The following MYO18A variants were observed in gnomAD, a reference collection of about 807,000 sequenced individuals.
MYO18A encodes the protein myosin XVIIIA, also known as unconventional myosin-XVIIIa.
MYO18A carries 78 observed loss-of-function variants against 235.8 expected under a neutral mutation model. That is an observed-to-expected ratio of 0.33 (90% CI 0.28 to 0.40). MYO18A has a LOEUF of 0.40. Among genes scored for constraint, MYO18A ranks in the 10% least tolerant of loss-of-function variants. The pLI is 1.00. For synonymous variants in MYO18A, 977 were observed against 1,077.8 expected (o/e 0.91, Z 1.83); for missense variants, 2,215 against 2,699.3 (o/e 0.82, Z 3.98).
Position 29,094,739 on chromosome 17 carries a change from T to C in MYO18A, c.4621A>G (p.Lys1541Glu), listed in dbSNP as rs746164465. The C allele has an allele frequency of 6.2e-7, 1 of 1,614,078 alleles. No homozygotes were observed. Among genetic ancestry groups the C allele is most frequent in the Non-Finnish European group, 8.5e-7 (1 of 1,179,906 alleles). The change falls in exon 30 of 42, where the codon AAG becomes GAG. Residue 1541 changes from lysine to glutamate, a missense_variant. Coordinates refer to ENST00000527372, the MANE Select transcript of MYO18A (RefSeq NM_078471.4). ...SKDEASLAKV[K>E]KQLRDLEAKV... ...GCCTCCAGGTCCCGGAGCTGTTTCT[T>C]GACCTTGGCCAGAGAAGCCTCATCC...
At position 29,074,279 on chromosome 17, in the gene MYO18A, G is replaced by A; in HGVS notation, c.*491C>T. 7.6e-7 allele frequency: 1 copy of A among 1,310,902 alleles called. No individual in the cohort carries two copies. The allele number at this position is 1,310,902 out of a possible 1,614,324, so 81.2% of individuals were successfully genotyped here. ...GGGATGCAGCTGTGATGGAGAGGTT[G>A]GGTATTTAAATTAAAAAGTAGAAAG... On this transcript the variant is annotated 3_prime_UTR_variant, in exon 42 of 42. Transcript: ENST00000527372. The surrounding 1 kb of genome is among the most constrained non-coding windows in gnomAD (Gnocchi z 4.4).
At chr17:29,154,868 C>A (rs2068034119) in intron 2 of MYO18A, among the ~76,000 whole-genome samples, 1 of 152,228 alleles carries the variant, frequency 6.6e-6, no homozygotes, top group Admixed American at 6.5e-5. Flanking sequence ...ACAACCAAAG[C>A]AGTCCACACA....
In MYO18A at chr17:29,114,988, C is replaced by T. The variant is rs200981634; in HGVS notation, c.2430G>A (p.Leu810=). ...GCCGGTCTTGGGTGTAGTTGTGGCA[C>T]AGCTCCTCAAAGGAGGCTCCGCGGG... ...GSARGASFEE[L]CHNYTQDRLQ... is the part of the protein sequence containing the mutation. The change falls in exon 14 of 42, where the codon CTG becomes CTA. Residue 810 remains leucine (L), a synonymous_variant. Coordinates refer to ENST00000527372, the MANE Select transcript of MYO18A (RefSeq NM_078471.4). The T allele has an allele frequency of 6.2e-7, 1 of 1,614,060 alleles. No individual in the cohort carries two copies. The highest frequency in any genetic ancestry group is 8.5e-7 in the Non-Finnish European group (1 of 1,179,898).
chr17:29,109,827 A>G lies in MYO18A; in HGVS notation c.3331+31T>C. The G allele has an allele frequency of 1.9e-6, 3 of 1,540,706 alleles. No individual in the cohort carries two copies. Among genetic ancestry groups the G allele is most frequent in the Non-Finnish European group, 2.6e-6 (3 of 1,139,198 alleles). On this transcript the variant is annotated intron_variant, in intron 19 of 41. Transcript: ENST00000527372. This position sits in a 1 kb window ranked among gnomAD's most constrained non-coding sequence, Gnocchi z 4.1. ...GGGCAGGGCCAGCTCTGGAAAAGAG[A>G]GCCCAGAGTGGAGAGGAAAGGAGGC...
intron 23 of MYO18A, 116 bp downstream of exon 23, chr17:29,098,710 G>A: frequency 7.3e-7 from 1 of 1,375,896 alleles, no homozygotes; most frequent in Non-Finnish European, 9.9e-7. Context: ...TATTTGATGA[G>A]CACATTTCAA....
At chr17:29,113,311 C>T (rs2066979053) in intron 15 of MYO18A, among the ~76,000 whole-genome samples, 2 of 152,168 alleles carry the variant, frequency 1.3e-5, no homozygotes, top group African/African-American at 2.4e-5. Context: ...TCGGCAGCCT[C>T]GCAAAAATGC....
At chr17:29,155,157 G>A (rs2152956106) in intron 2 of MYO18A, 1 of 152,386 alleles carries the variant, frequency 6.6e-6, no homozygotes. Context: ...TGTCCTTGCA[G>A]AAGCACAGGC....
chr17:29,104,680 G>A (rs1042676515), intron 20 of MYO18A, among the ~76,000 whole-genome samples: 3 of 152,078 alleles, frequency 2.0e-5, no homozygotes, highest in South Asian at 2.1e-4. Context: ...GGAAGAGGGT[G>A]CAGAATAGAA....
At chr17:29,114,240 GA>G in intron 14 of MYO18A, 143 bp from the exon 15 acceptor site, 1 of 627,654 alleles carries the variant, frequency 1.6e-6, no homozygotes, top group Non-Finnish European at 2.9e-6. Flanking sequence ...CATCCCAAAT[GA>G]AACAGCTCCC....
chr17:29,105,844 C>T (rs889646199), intron 20 of MYO18A, among the ~76,000 whole-genome samples: 1 of 152,066 alleles, frequency 6.6e-6, no homozygotes, highest in Non-Finnish European at 1.5e-5. Context: ...GTCAAGTCCA[C>T]AAAGTTGTAT....
intron 2 of MYO18A, among the ~76,000 whole-genome samples, chr17:29,161,355 CAAAAAAAAAA>C (rs1175565325): frequency 2.0e-5 from 1 of 50,308 alleles, no homozygotes; most frequent in Non-Finnish European, 4.2e-5. Context: ...AACTCCATGT[CAAAAAAAAAA>C]AAAAAAAAAA....
In MYO18A at chr17:29,098,838, G is replaced by C; in HGVS notation, c.3768C>G (p.Ile1256Met). Residue 1256 changes from isoleucine to methionine, a missense_variant, in exon 23 of 42, where the codon ATC (isoleucine) becomes ATG (methionine). Coordinates refer to ENST00000527372, the MANE Select transcript of MYO18A (RefSeq NM_078471.4). ...LIEVQLSEEQ[I>M]RNKDEEIQQL... is the part of the protein sequence containing the mutation. ...GGCTGTCACATACGTCTTTGTTCCGGATCTGCTCCTCTGACAGCTGTACTT... is the reference window on the plus strand; with the variant it reads ...GGCTGTCACATACGTCTTTGTTCCGCATCTGCTCCTCTGACAGCTGTACTT... 1 of 1,613,962 alleles carries C rather than the reference G, an allele frequency of 6.2e-7. No homozygotes were observed. Among genetic ancestry groups the C allele is most frequent in the South Asian group, 1.1e-5 (1 of 91,082 alleles).
intron 2 of MYO18A, chr17:29,128,286 C>T: frequency 8.4e-7 from 1 of 1,194,536 alleles, no homozygotes; most frequent in Non-Finnish European, 1.1e-6. Flanking sequence ...ACTCCTCTGC[C>T]TGGGGTCTCC....
chr17:29,130,523 CACACAA>C (rs1289343343), intron 2 of MYO18A, among the ~76,000 whole-genome samples: 16 of 132,234 alleles, frequency 1.2e-4, no homozygotes, highest in African/African-American at 2.6e-4. Context: ...CACACACACA[CACACAA>C]CCCTTTCAAA....
intron 1 of MYO18A, among the ~76,000 whole-genome samples, chr17:29,174,955 T>G (rs2068490059): frequency 6.6e-6 from 1 of 152,188 alleles, no homozygotes; most frequent in African/African-American, 2.4e-5. Flanking sequence ...AGTTTATAAT[T>G]TTGCTAAAAT....
rs544008854 is a variant in MYO18A at position 29,158,641 on chromosome 17, G to A, written c.999+7301C>T. Among the ~76,000 whole-genome samples the A allele has an allele frequency of 2.0e-5, 3 of 152,316 alleles. No homozygotes were observed. The South Asian group carries it at 6.2e-4, about 32-fold the overall frequency. ...AGGCAGCAGGGGAGCCCTCACCTCA[G>A]CTGGGTCACCAGTCCCCACCGTCCC... On this transcript the variant is annotated intron_variant, in intron 2 of 41. Coordinates refer to ENST00000527372, the MANE Select transcript of MYO18A (RefSeq NM_078471.4). The surrounding 1 kb of genome is among the most constrained non-coding windows in gnomAD (Gnocchi z 4.3).
Position 29,097,327 on chromosome 17 carries a change from C to T in MYO18A, c.4126G>A (p.Glu1376Lys). The T allele has an allele frequency of 6.2e-7, 1 of 1,609,178 alleles. No homozygotes were observed. Among genetic ancestry groups the T allele is most frequent in the East Asian group, 2.2e-5 (1 of 44,876 alleles). Reference sequence around the variant, plus strand: ...AAGTCCACCTCCCGCACAGCCCGCTCATACTTCAGCCGCCACTCGCCACCT... The same window carrying T: ...AAGTCCACCTCCCGCACAGCCCGCTTATACTTCAGCCGCCACTCGCCACCT... Reference protein sequence around the residue: ...DAGGEWRLKYERAVREVDFTK... With the variant: ...DAGGEWRLKYKRAVREVDFTK... The change falls in exon 27 of 42, where the codon GAG becomes AAG. Residue 1376 changes from glutamate (E) to lysine (K), a missense_variant. Coordinates refer to ENST00000527372, the MANE Select transcript of MYO18A (RefSeq NM_078471.4).
chr17:29,119,849 C>T (rs2067155983), intron 7 of MYO18A, among the ~76,000 whole-genome samples: 1 of 152,030 alleles, frequency 6.6e-6, no homozygotes, highest in East Asian at 1.9e-4. Context: ...CAGGCGTGAG[C>T]CACCGCACCC....
chr17:29,165,714 C>A (rs1416599391), intron 2 of MYO18A, among the ~76,000 whole-genome samples: 1 of 152,178 alleles, frequency 6.6e-6, no homozygotes, highest in Non-Finnish European at 1.5e-5. Context: ...TTAGGTTAAA[C>A]CTGGTGGGGG....
Sources: gnomAD v4.1 joint callset for allele counts (sites outside exome capture counted in the v4.1 genomes callset) on GRCh38, gnomAD v4.1.1 for gene constraint, Gnocchi (gnomAD v3.1) non-coding constraint, MANE v1.5 for transcripts, NCBI Gene and HGNC (gene_info 2026-07-23, HGNC 2026-07-21) for gene names.